The following WDR49 variants were observed in gnomAD, a reference collection of about 807,000 sequenced individuals.
WDR49 encodes WD repeat domain 49.
A neutral mutation model predicts 119.5 loss-of-function variants in WDR49; 107 were observed. That is an observed-to-expected ratio of 0.90 (90% CI 0.77 to 1.05). The LOEUF (loss-of-function observed/expected upper bound fraction) is 1.05, where lower values mean the gene tolerates loss of function less well. WDR49 is among the 50% of genes least tolerant of loss of function. The pLI is 0.00. For missense variants in WDR49, 1,240 were observed against 1,220.5 expected (o/e 1.02, Z -0.24); for synonymous variants, 425 against 418.8 (o/e 1.01, Z -0.18).
At chr3:167,579,747 T>A (rs895540228) in intron 7 of WDR49, among the ~76,000 whole-genome samples, 1 of 152,194 alleles carries the variant, frequency 6.6e-6, no homozygotes, top group Admixed American at 6.5e-5. Context: ...GTTATAAATA[T>A]AAATAGAATT....
rs1209120945 is a variant in WDR49 at position 167,626,982 on chromosome 3, C to T, written c.476G>A (p.Ser159Asn). 7.4e-7 allele frequency: 1 copy of T among 1,351,968 alleles called. No homozygotes were observed. Among genetic ancestry groups the T allele is most frequent in the South Asian group, 2.2e-5 (1 of 46,390 alleles). The allele number at this position is 1,351,968 out of a possible 1,614,324, so 83.7% of individuals were successfully genotyped here. Residue 159 changes from serine to asparagine, a missense_variant, in exon 3 of 19, where the codon AGT becomes AAT. By Grantham distance (46) the Ser-to-Asn change is conservative. Transcript: ENST00000682715. The stretch of plus-strand genomic sequence containing the variant: ...CCAGATTGCCAATAAACCTTCTTTA[C>T]TAATTGTCAGATAATGACTTGAATT... ...LKNSSHYLTI[S>N]KEGLLAIWGE...
intron 18 of WDR49, among the ~76,000 whole-genome samples, chr3:167,491,669 G>A (rs1370615344): frequency 6.6e-6 from 1 of 152,140 alleles, no homozygotes; most frequent in African/African-American, 2.4e-5. Flanking sequence ...ACTGTTTCAA[G>A]TTTTAAAGAT....
intron 8 of WDR49, among the ~76,000 whole-genome samples, chr3:167,561,973 G>A (rs1438362853): frequency 6.6e-6 from 1 of 152,008 alleles, no homozygotes; most frequent in Non-Finnish European, 1.5e-5. Flanking sequence ...TAATGAGCCT[G>A]AGCGCAGAGT....
intron 16 of WDR49, among the ~76,000 whole-genome samples, chr3:167,509,616 A>G (rs1468690744): frequency 6.6e-6 from 1 of 152,212 alleles, no homozygotes; most frequent in Admixed American, 6.5e-5. Flanking sequence ...GAGAGCTGAT[A>G]TGTCCAGACA....
intron 8 of WDR49, among the ~76,000 whole-genome samples, chr3:167,563,105 G>A (rs1396789822): frequency 1.3e-5 from 2 of 152,046 alleles, no homozygotes; most frequent in African/African-American, 2.4e-5. Flanking sequence ...GGTGGCTCAC[G>A]CCTGTAATTG....
chr3:167,619,968 CAA>C (rs551189229), intron 5 of WDR49, among the ~76,000 whole-genome samples: 2 of 140,420 alleles, frequency 1.4e-5, no homozygotes, highest in African/African-American at 5.2e-5. Flanking sequence ...GTCATTACAT[CAA>C]AAAAAAAAAG....
intron 7 of WDR49, among the ~76,000 whole-genome samples, chr3:167,584,897 T>G (rs1714727376): frequency 6.6e-6 from 1 of 152,130 alleles, no homozygotes; most frequent in African/African-American, 2.4e-5. Flanking sequence ...AGAAAATCAT[T>G]CCTTAGACTC....
intron 2 of WDR49, among the ~76,000 whole-genome samples, chr3:167,653,024 T>C (rs1164793133): frequency 6.6e-6 from 1 of 152,214 alleles, no homozygotes; most frequent in Non-Finnish European, 1.5e-5. Flanking sequence ...TCTTTCTTGA[T>C]AGTAATGAAA....
intron 5 of WDR49, among the ~76,000 whole-genome samples, chr3:167,617,384 G>A (rs548069617): frequency 1.3e-4 from 20 of 152,098 alleles, no homozygotes; most frequent in South Asian, 2.1e-4. Context: ...AAAATTAGCC[G>A]GGCATGGTGG....
At chr3:167,624,730 A>G (rs1048431003) in intron 3 of WDR49, among the ~76,000 whole-genome samples, 3 of 152,128 alleles carry the variant, frequency 2.0e-5, no homozygotes, top group Non-Finnish European at 4.4e-5. Flanking sequence ...GCTGAAAAGA[A>G]GAAACAGTGC....
intron 7 of WDR49, among the ~76,000 whole-genome samples, chr3:167,599,804 T>C (rs956215831): frequency 5.3e-5 from 8 of 151,940 alleles, no homozygotes; most frequent in Non-Finnish European, 1.0e-4. Context: ...TTTTCTCAAA[T>C]AGAAGTGTCT....
intron 7 of WDR49, among the ~76,000 whole-genome samples, chr3:167,594,380 A>G (rs1054041506): frequency 2.6e-5 from 4 of 152,186 alleles, no homozygotes; most frequent in African/African-American, 9.6e-5. Context: ...CAAACTTCCT[A>G]TTCTTTACCA....
At position 167,554,678 on chromosome 3, in the gene WDR49, C is replaced by T; in HGVS notation, c.1795G>A (p.Asp599Asn). Residue 599 changes from aspartate to asparagine, a missense_variant, in exon 10 of 19, where the codon GAT becomes AAT. By Grantham distance (23) the Asp-to-Asn change is conservative (BLOSUM62 1). Coordinates refer to ENST00000682715, the MANE Select transcript of WDR49 (RefSeq NM_001366157.1). Reference sequence around the variant, plus strand: ...CCTATAGTTTTCCATGAGGCATAATCATACCTCTCCCAGCCTGTAACCAGT... The same window carrying T: ...CCTATAGTTTTCCATGAGGCATAATTATACCTCTCCCAGCCTGTAACCAGT... The part of the protein sequence containing the change: ...KILVTGWERY[D>N]YASWKTIGRA... 2.5e-6 allele frequency: 4 copies of T among 1,591,372 alleles called. No individual in the cohort carries two copies. The highest frequency in any genetic ancestry group is 3.4e-6 in the Non-Finnish European group (4 of 1,161,618).
At chr3:167,634,993 T>G (rs1365540695) in intron 2 of WDR49, among the ~76,000 whole-genome samples, 9 of 151,860 alleles carry the variant, frequency 5.9e-5, no homozygotes, top group Non-Finnish European at 1.3e-4. Context: ...ATGCCTCTTA[T>G]ATATTGGTCT....
intron 13 of WDR49, 88 bp from the exon 14 acceptor site, chr3:167,529,327 G>A (rs1242375958): frequency 1.6e-6 from 2 of 1,277,886 alleles, no homozygotes; most frequent in African/African-American, 3.0e-5. Flanking sequence ...TGGAAAGCAT[G>A]TGATGTTGAA....
chr3:167,510,982 T>C (rs1267243432), intron 16 of WDR49, among the ~76,000 whole-genome samples: 1 of 152,152 alleles, frequency 6.6e-6, no homozygotes, highest in Non-Finnish European at 1.5e-5. Flanking sequence ...ATTCTTTCCT[T>C]GAATTTACCA....
At chr3:167,511,854 G>T (rs1456568881) in intron 16 of WDR49, among the ~76,000 whole-genome samples, 1 of 152,208 alleles carries the variant, frequency 6.6e-6, no homozygotes, top group Non-Finnish European at 1.5e-5. Flanking sequence ...GTGGCCAACT[G>T]CTTCTTTAGG....
intron 10 of WDR49, among the ~76,000 whole-genome samples, 164 bp from the exon 11 acceptor site, chr3:167,537,164 T>C (rs780538060): frequency 6.6e-6 from 1 of 152,106 alleles, no homozygotes; most frequent in Non-Finnish European, 1.5e-5. Context: ...ACACTAAACA[T>C]TTTTATTACC....
rs368438338 is a variant in WDR49 at position 167,531,199 on chromosome 3, G to A, written c.2134C>T (p.Arg712Cys). Residue 712 changes from arginine to cysteine, a missense_variant, in exon 13 of 19, where the codon CGC (arginine) becomes TGC (cysteine). Arg to Cys is a radical substitution (Grantham distance 180). Coordinates refer to ENST00000682715, the MANE Select transcript of WDR49 (RefSeq NM_001366157.1). ...CCCTCAGTGTCAATCTCAAAGTTGC[G>A]GACTCCCGTGGTAGAATGGTCTGCC... ...PMADHSTTGV[R>C]NFEIDTEGKN... 109 of 1,611,680 alleles carry A rather than the reference G, an allele frequency of 6.8e-5. No homozygotes were observed. Among genetic ancestry groups the A allele is most frequent in the South Asian group, 1.6e-4 (15 of 90,960 alleles).
Sources: gnomAD v4.1 joint callset for allele counts (sites outside exome capture counted in the v4.1 genomes callset) on GRCh38, gnomAD v4.1.1 for gene constraint, MANE v1.5 for transcripts, NCBI Gene and HGNC (gene_info 2026-07-23, HGNC 2026-07-21) for gene names.